The following MALRD1 variants were observed in gnomAD, a reference collection of about 807,000 sequenced individuals.
MALRD1 encodes the protein MAM and LDL receptor class A domain containing 1.
In MALRD1, 247 loss-of-function variants were observed where a neutral mutation model predicts 242.1. That is an observed-to-expected ratio of 1.02 (90% CI 0.92 to 1.13). MALRD1 has a LOEUF of 1.13. Ranked by LOEUF, MALRD1 falls within the 50% of genes most tolerant of loss-of-function variation. MALRD1 has a pLI of 0.00. For missense variants in MALRD1, 2,989 were observed against 2,533.1 expected, an observed-to-expected ratio of 1.18 and a Z score of -3.86; for synonymous variants, 995 against 866.6, an observed-to-expected ratio of 1.15 and a Z score of -2.60.
In MALRD1 at chr10:19,610,263, T is replaced by C. The variant is rs544445245; in HGVS notation, c.6070+2361T>C. Among the ~76,000 whole-genome samples, 65 of 152,052 alleles carry C rather than the reference T, an allele frequency of 4.3e-4. No individual in the cohort carries two copies. In the South Asian group the frequency reaches 0.01, roughly 24 times the overall value. ...CCTCTCTCCTAGCAGTTTTGTAATATACAATATCTTAATATTCACCCATTA... is the reference window on the plus strand; with the variant it reads ...CCTCTCTCCTAGCAGTTTTGTAATACACAATATCTTAATATTCACCCATTA... On this transcript the variant is annotated intron_variant, in intron 35 of 39. Coordinates refer to ENST00000454679, the MANE Select transcript of MALRD1 (RefSeq NM_001142308.3).
intron 12 of MALRD1, among the ~76,000 whole-genome samples, chr10:19,159,964 A>G (rs1834326298): frequency 6.6e-6 from 1 of 152,170 alleles, no homozygotes; most frequent in East Asian, 1.9e-4. Flanking sequence ...TGGAGCTTCC[A>G]TTTTTATCTT....
chr10:19,472,342 A>C (rs1836537398), intron 29 of MALRD1, among the ~76,000 whole-genome samples: 1 of 151,922 alleles, frequency 6.6e-6, no homozygotes, highest in Non-Finnish European at 1.5e-5. Context: ...GTTTATCAGG[A>C]ATATTTGCCT....
rs59991176 is a variant in MALRD1, at chr10:19,176,124, C to T, written c.1951+796C>T. Among the ~76,000 whole-genome samples the T allele has an allele frequency of 9.5e-3, 1,451 of 152,034 alleles. 24 individuals carry two copies. The highest frequency in any genetic ancestry group is 0.033 in the African/African-American group (1,369 of 41,470). ...CTGAAAAGTGTCACACTTTATTTTT[C>T]TTAATCTGTATCTATGGAAAAGATT... is the stretch of plus-strand genomic sequence containing the variant. On this transcript the variant is annotated intron_variant, in intron 14 of 39. Transcript: ENST00000454679.
At chr10:19,593,747 C>G (rs972176827) in intron 33 of MALRD1, among the ~76,000 whole-genome samples, 1 of 152,128 alleles carries the variant, frequency 6.6e-6, no homozygotes, top group African/African-American at 2.4e-5. Context: ...TTAATGTAGA[C>G]CCAAACCTTT....
At chr10:19,627,303 T>G (rs7904613) in intron 36 of MALRD1, among the ~76,000 whole-genome samples, 4,294 of 152,076 alleles carry the variant, frequency 0.028, 176 homozygotes, top group African/African-American at 0.097. Flanking sequence ...TTTTCTAAGC[T>G]TAGTAAGCAG....
intron 17 of MALRD1, among the ~76,000 whole-genome samples, chr10:19,206,939 A>C (rs1363787331): frequency 6.6e-6 from 1 of 152,172 alleles, no homozygotes; most frequent in African/African-American, 2.4e-5. Flanking sequence ...TTCACATCAC[A>C]GCTGGTCTTG....
At position 19,088,156 on chromosome 10, in the gene MALRD1, A is replaced by G. The variant is rs1588524585; in HGVS notation, c.568A>G (p.Ile190Val). The change falls in exon 4 of 40, where the codon ATC becomes GTC. Residue 190 changes from isoleucine to valine, a missense_variant. Physicochemically the swap from Ile to Val is conservative, Grantham distance 29. Coordinates refer to ENST00000454679, the MANE Select transcript of MALRD1 (RefSeq NM_001142308.3). ...CCCAAATCAGTGGGAGAGAAATGTC[A>G]TCAAAATCCAGAGTTCACAGAGATT... Reference protein sequence around the residue: ...ALPNQWERNVIKIQSSQRFQV... With the variant: ...ALPNQWERNVVKIQSSQRFQV... 8.1e-7 allele frequency: 1 copy of G among 1,233,438 alleles called. No individual in the cohort carries two copies. Among genetic ancestry groups the G allele is most frequent in the Non-Finnish European group, 1.0e-6 (1 of 987,808 alleles). 76.4% of individuals were successfully genotyped at this position (1,233,438 alleles called of 1,614,324 possible).
chr10:19,342,421 A>T (rs1588940695), intron 24 of MALRD1, among the ~76,000 whole-genome samples: 1 of 152,298 alleles, frequency 6.6e-6, no homozygotes, highest in Non-Finnish European at 1.5e-5. Flanking sequence ...GTGGCCCTAG[A>T]GCAAAAACAA....
intron 28 of MALRD1, among the ~76,000 whole-genome samples, chr10:19,446,499 A>G (rs183099857): frequency 2.0e-5 from 3 of 152,354 alleles, no homozygotes; most frequent in South Asian, 2.1e-4. Context: ...AACATATGAA[A>G]TGGAACTTCC....
chr10:19,674,554 A>G lies in MALRD1; in HGVS notation c.6138-17728A>G, dbSNP rs144444857. Among the ~76,000 whole-genome samples, 338 of 152,276 alleles carry G rather than the reference A, an allele frequency of 2.2e-3. 3 individuals are homozygous for G. Among genetic ancestry groups the G allele is most frequent in the African/African-American group, 7.8e-3 (326 of 41,554 alleles). On this transcript the variant is annotated intron_variant, in intron 36 of 39. Transcript: ENST00000454679. ...TCATTGCTCATTCTTTCTAATTTCA[A>G]CATTCCCATTTTTGTTTATTTGTGT...
intron 38 of MALRD1, among the ~76,000 whole-genome samples, chr10:19,693,418 T>C (rs767039668): frequency 6.6e-6 from 1 of 152,058 alleles, no homozygotes; most frequent in Admixed American, 6.6e-5. Flanking sequence ...ACAAGCATTC[T>C]TATACACCAA....
intron 14 of MALRD1, among the ~76,000 whole-genome samples, chr10:19,190,475 C>G (rs1835922502): frequency 6.6e-6 from 1 of 151,822 alleles, no homozygotes; most frequent in Non-Finnish European, 1.5e-5. Flanking sequence ...CAAAGAACCC[C>G]AAATAGACAA....
chr10:19,684,866 G>A (rs1174600072), intron 36 of MALRD1, among the ~76,000 whole-genome samples: 1 of 152,122 alleles, frequency 6.6e-6, no homozygotes, highest in Non-Finnish European at 1.5e-5. Flanking sequence ...GCTTCTGAAG[G>A]AATTTTTCTT....
At chr10:19,389,250 G>A (rs1269692626) in intron 27 of MALRD1, 1 of 685,200 alleles carries the variant, frequency 1.5e-6, no homozygotes, top group South Asian at 1.5e-5. Flanking sequence ...TGAAGCACGT[G>A]CTAAAAGCAC....
At chr10:19,146,834 A>G (rs1007295256) in intron 11 of MALRD1, among the ~76,000 whole-genome samples, 3 of 152,134 alleles carry the variant, frequency 2.0e-5, no homozygotes, top group Non-Finnish European at 2.9e-5. Flanking sequence ...TATATTTTTA[A>G]CCATCATTCC....
At chr10:19,055,746 A>G (rs1834644618) in intron 1 of MALRD1, among the ~76,000 whole-genome samples, 1 of 152,180 alleles carries the variant, frequency 6.6e-6, no homozygotes, top group Non-Finnish European at 1.5e-5. Context: ...TTAATACAGG[A>G]ACAGAAAACC....
chr10:19,422,621 T>C (rs531486774), intron 28 of MALRD1, among the ~76,000 whole-genome samples: 1 of 152,324 alleles, frequency 6.6e-6, no homozygotes, highest in South Asian at 2.1e-4. Context: ...CATGATTAGA[T>C]GTAGAATACC....
At chr10:19,284,053 G>C (rs976024234) in intron 21 of MALRD1, among the ~76,000 whole-genome samples, 4 of 152,172 alleles carry the variant, frequency 2.6e-5, no homozygotes, top group East Asian at 1.9e-4. Context: ...GGAACACAAA[G>C]GGAAAGGCCC....
intron 32 of MALRD1, among the ~76,000 whole-genome samples, chr10:19,537,352 T>C (rs1834732494): frequency 6.6e-6 from 1 of 152,332 alleles, no homozygotes; most frequent in Non-Finnish European, 1.5e-5. Context: ...TACCATTGAC[T>C]GCATGACTTA....
Sources: gnomAD v4.1 joint callset for allele counts (sites outside exome capture counted in the v4.1 genomes callset) on GRCh38, gnomAD v4.1.1 for gene constraint, MANE v1.5 for transcripts, NCBI Gene and HGNC (gene_info 2026-07-23, HGNC 2026-07-21) for gene names.